Variants in PAPPA observed in about 807,000 individuals in gnomAD.
The protein encoded by PAPPA is pappalysin-1.
PAPPA carries 60 observed loss-of-function variants against 164.0 expected under a neutral mutation model. That is an observed-to-expected ratio of 0.37 (90% CI 0.30 to 0.45). The LOEUF is 0.45. PAPPA is among the 20% of genes least tolerant of loss of function. The pLI, the probability that PAPPA is intolerant of heterozygous loss-of-function variation, is 1.00. For synonymous variants in PAPPA, 875 were observed against 814.1 expected (o/e 1.07, Z -1.27); for missense variants, 1,782 against 2,087.3 (o/e 0.85, Z 2.85).
At chr9:116,219,020 G>C (rs548375698) in intron 4 of PAPPA, among the ~76,000 whole-genome samples, 4 of 152,266 alleles carry the variant, frequency 2.6e-5, no homozygotes, top group East Asian at 3.9e-4. Context: ...TTGTTCCCAG[G>C]TCTGCCTGAC....
intron 5 of PAPPA, among the ~76,000 whole-genome samples, chr9:116,226,846 C>G (rs750307983): frequency 1.3e-5 from 2 of 152,210 alleles, no homozygotes; most frequent in Non-Finnish European, 2.9e-5. Flanking sequence ...AATTAGATGG[C>G]ATGGTAGAGA....
chr9:116,315,634 T>C (rs1052271778), intron 10 of PAPPA, among the ~76,000 whole-genome samples: 7 of 152,086 alleles, frequency 4.6e-5, no homozygotes, highest in Non-Finnish European at 8.8e-5. Flanking sequence ...TGGATGGAAA[T>C]CTAAGGGTCT....
At chr9:116,299,486 G>C (rs1845552305) in intron 9 of PAPPA, among the ~76,000 whole-genome samples, 1 of 152,056 alleles carries the variant, frequency 6.6e-6, no homozygotes, top group Admixed American at 6.6e-5. Flanking sequence ...CCCAATTTCT[G>C]TCATTCCGAG....
At chr9:116,219,197 A>G (rs970195447) in intron 4 of PAPPA, among the ~76,000 whole-genome samples, 1 of 152,046 alleles carries the variant, frequency 6.6e-6, no homozygotes, top group African/African-American at 2.4e-5. Context: ...CCCTGCACCC[A>G]CCCATGCCGT....
intron 9 of PAPPA, among the ~76,000 whole-genome samples, chr9:116,296,452 G>C (rs1035577755): frequency 6.6e-6 from 1 of 152,134 alleles, no homozygotes; most frequent in Non-Finnish European, 1.5e-5. Flanking sequence ...CACTGTTATG[G>C]GTTGGAAATA....
At chr9:116,266,363 C>T (rs568848279) in intron 8 of PAPPA, among the ~76,000 whole-genome samples, 17 of 152,312 alleles carry the variant, frequency 1.1e-4, no homozygotes, top group South Asian at 1.0e-3. Flanking sequence ...GGTTAAAACA[C>T]TTTTAAGTTC....
At chr9:116,351,501 T>A (rs970579702) in intron 15 of PAPPA, among the ~76,000 whole-genome samples, 6 of 152,220 alleles carry the variant, frequency 3.9e-5, no homozygotes, top group African/African-American at 1.4e-4. Flanking sequence ...AGCAATTGTT[T>A]GCTTTCCACA....
chr9:116,341,375 A>G (rs1846135196), intron 13 of PAPPA, among the ~76,000 whole-genome samples: 1 of 152,176 alleles, frequency 6.6e-6, no homozygotes, highest in African/African-American at 2.4e-5. Flanking sequence ...TTACTAGTCT[A>G]CAAACACACC....
At chr9:116,344,508 A>G in intron 13 of PAPPA, 35 bp from the exon 14 acceptor site, 1 of 1,593,868 alleles carries the variant, frequency 6.3e-7, no homozygotes, top group Non-Finnish European at 8.6e-7. Context: ...TCCTGTGAGG[A>G]GACTCCTTCT....
intron 7 of PAPPA, among the ~76,000 whole-genome samples, chr9:116,243,884 G>A (rs1844765291): frequency 6.6e-6 from 1 of 152,082 alleles, no homozygotes; most frequent in South Asian, 2.1e-4. Context: ...TGCCCAGCAT[G>A]GTTTTGCCTA....
At chr9:116,376,044 C>T (rs1167378166) in intron 19 of PAPPA, among the ~76,000 whole-genome samples, 3 of 123,222 alleles carry the variant, frequency 2.4e-5, no homozygotes, top group African/African-American at 3.3e-5. Context: ...TTTTTTGAGA[C>T]GGAGTCTCGC....
chr9:116,239,859 T>C (rs538252631), intron 7 of PAPPA, among the ~76,000 whole-genome samples: 1 of 152,172 alleles, frequency 6.6e-6, no homozygotes, highest in South Asian at 2.1e-4. Flanking sequence ...AAGACAGGCT[T>C]ACAAGTCAGA....
At chr9:116,244,514 T>A (rs2118765535) in intron 7 of PAPPA, among the ~76,000 whole-genome samples, 1 of 152,334 alleles carries the variant, frequency 6.6e-6, no homozygotes, top group East Asian at 1.9e-4. Flanking sequence ...AGCTGAATAA[T>A]AGTACACACA....
chr9:116,184,234 G>A (rs72752148), intron 1 of PAPPA, among the ~76,000 whole-genome samples: 142 of 152,228 alleles, frequency 9.3e-4, no homozygotes, highest in Non-Finnish European at 1.5e-3. Context: ...TAGATCTGGC[G>A]CAACTCACTT....
At chr9:116,383,182 CCAT>C in intron 21 of PAPPA, among the ~76,000 whole-genome samples, 1 of 152,140 alleles carries the variant, frequency 6.6e-6, no homozygotes, top group Non-Finnish European at 1.5e-5. Flanking sequence ...GTGGCCACCT[CCAT>C]TTTTCTCCGA....
At chr9:116,186,119 C>T (rs1564176921) in intron 1 of PAPPA, among the ~76,000 whole-genome samples, 1 of 151,914 alleles carries the variant, frequency 6.6e-6, no homozygotes, top group African/African-American at 2.4e-5. Context: ...CAATGCCTGG[C>T]CTGCCATAGA....
In PAPPA at chr9:116,343,525, A is replaced by C. The variant is rs940374120; in HGVS notation, c.3612-1018A>C. On this transcript the variant is annotated intron_variant, in intron 13 of 21. Coordinates refer to ENST00000328252, the MANE Select transcript of PAPPA (RefSeq NM_002581.5). ...GCAGAAAGGTAGAATTCAGAGTTGCAGCAAGATGCAAGACATAGTCTCTGT... is the reference window on the plus strand; with the variant it reads ...GCAGAAAGGTAGAATTCAGAGTTGCCGCAAGATGCAAGACATAGTCTCTGT... Among the ~76,000 whole-genome samples the C allele has an allele frequency of 9.2e-5, 14 of 152,188 alleles. No homozygotes were observed. In the South Asian group the frequency reaches 1.0e-3, roughly 11 times the overall value.
chr9:116,392,038 C>G (rs1362525124), intron 21 of PAPPA, among the ~76,000 whole-genome samples: 1 of 152,178 alleles, frequency 6.6e-6, no homozygotes, highest in Non-Finnish European at 1.5e-5. Flanking sequence ...GCCAGGCCAC[C>G]TGACAGCCCA....
At chr9:116,272,517 T>C (rs1417369713) in intron 9 of PAPPA, among the ~76,000 whole-genome samples, 1 of 152,220 alleles carries the variant, frequency 6.6e-6, no homozygotes. Flanking sequence ...GTGAAGACCA[T>C]ATACCATGTG....
Sources: allele counts gnomAD v4.1 joint callset (sites outside exome capture counted in the v4.1 genomes callset), GRCh38; gene constraint gnomAD v4.1.1; transcripts MANE v1.5; gene names NCBI Gene and HGNC (gene_info 2026-07-23, HGNC 2026-07-21).